PLXNC1: variants seen among roughly 807,000 people sequenced by gnomAD.
PLXNC1 encodes plexin-C1.
In PLXNC1, 75 loss-of-function variants were observed where a neutral mutation model predicts 178.2. The ratio of observed to expected loss-of-function variants is 0.42; its 90% confidence interval spans 0.35 to 0.51. The LOEUF is 0.51. Ranked by LOEUF, PLXNC1 falls within the 20% of genes least tolerant of loss-of-function variation. PLXNC1 has a pLI of 0.02. For synonymous variants in PLXNC1, 790 were observed against 779.9 expected, an observed-to-expected ratio of 1.01 and a Z score of -0.22; for missense variants, 1,503 against 1,984.4, an observed-to-expected ratio of 0.76 and a Z score of 4.61.
intron 1 of PLXNC1, among the ~76,000 whole-genome samples, chr12:94,151,370 G>C (rs1960955899): frequency 6.6e-6 from 1 of 152,114 alleles, no homozygotes; most frequent in Admixed American, 6.5e-5. Flanking sequence ...ACGGTCACTT[G>C]CTGCTGCTTC....
At chr12:94,264,976 A>T in intron 20 of PLXNC1, 103 bp from the exon 21 acceptor site, 1 of 1,176,188 alleles carries the variant, frequency 8.5e-7, no homozygotes, top group South Asian at 1.5e-5. Context: ...AGTGTTAGAA[A>T]ACCCTGTCTC....
intron 20 of PLXNC1, among the ~76,000 whole-genome samples, chr12:94,261,602 C>T (rs139105129): frequency 1.4e-3 from 219 of 152,258 alleles, no homozygotes; most frequent in African/African-American, 5.0e-3. Context: ...ATAAGGGTGT[C>T]CTGTTGAACT....
chr12:94,178,939 A>G (rs993006165), intron 2 of PLXNC1, among the ~76,000 whole-genome samples: 9 of 152,150 alleles, frequency 5.9e-5, no homozygotes, highest in Non-Finnish European at 1.2e-4. Flanking sequence ...ATGTTTGGTT[A>G]GTGAGATTGA....
intron 9 of PLXNC1, among the ~76,000 whole-genome samples, chr12:94,235,659 C>T (rs1245442014): frequency 6.6e-6 from 1 of 152,190 alleles, no homozygotes; most frequent in Non-Finnish European, 1.5e-5. Flanking sequence ...GCTTTGCGGG[C>T]CGTATGGTCT....
chr12:94,149,322 C>T lies in PLXNC1; in HGVS notation c.351C>T (p.Ala117=). The change falls in exon 1 of 31, where the codon GCC becomes GCT. Residue 117 remains alanine, a synonymous_variant. Coordinates refer to ENST00000258526, the MANE Select transcript of PLXNC1 (RefSeq NM_005761.3). ...TGCTGCCCTACCGCGAGGGGGCGGC[C>T]GGCCTCGGGGGGCTGCTGCTCACCG... ...KLLLPYREGA[A]GLGGLLLTGW... 6.9e-7 allele frequency: 1 copy of T among 1,446,390 alleles called. No homozygotes were observed. 89.6% of individuals were successfully genotyped at this position (1,446,390 alleles called of 1,614,324 possible).
intron 9 of PLXNC1, among the ~76,000 whole-genome samples, chr12:94,233,588 C>G (rs1244123357): frequency 1.3e-5 from 2 of 152,244 alleles, no homozygotes; most frequent in Admixed American, 6.5e-5. Context: ...GTCTCAAGCT[C>G]TGTGTCCAGA....
intron 21 of PLXNC1, 83 bp downstream of exon 21, chr12:94,265,308 A>C (rs1356586093): frequency 1.6e-5 from 20 of 1,277,764 alleles, no homozygotes; most frequent in Non-Finnish European, 2.2e-6. Flanking sequence ...ATTTACAATG[A>C]AACGGTATCA....
At chr12:94,295,202 C>A (rs1005319382) in intron 24 of PLXNC1, among the ~76,000 whole-genome samples, 1 of 152,198 alleles carries the variant, frequency 6.6e-6, no homozygotes, top group Non-Finnish European at 1.5e-5. Flanking sequence ...ACACACACAG[C>A]CAGAGGTAGG....
At chr12:94,283,795 G>A (rs1966629450) in intron 23 of PLXNC1, among the ~76,000 whole-genome samples, 1 of 152,146 alleles carries the variant, frequency 6.6e-6, no homozygotes, top group African/African-American at 2.4e-5. Context: ...ATCAAGAGCA[G>A]GGTCTGGGCC....
chr12:94,196,871 C>T (rs1197324471), intron 4 of PLXNC1, among the ~76,000 whole-genome samples: 1 of 152,220 alleles, frequency 6.6e-6, no homozygotes, highest in Admixed American at 6.5e-5. Context: ...ACAGCCTTAG[C>T]TTATGTATAG....
chr12:94,207,658 CTTA>C, intron 4 of PLXNC1, among the ~76,000 whole-genome samples: 1 of 152,272 alleles, frequency 6.6e-6, no homozygotes, highest in Non-Finnish European at 1.5e-5. Flanking sequence ...CTGAGATAGA[CTTA>C]TGAAATAGTT....
Position 94,149,484 on chromosome 12 carries a change from G to A in PLXNC1, c.513G>A (p.Arg171=). Residue 171 remains arginine, a synonymous_variant, in exon 1 of 31, where the codon CGG becomes CGA. Coordinates refer to ENST00000258526, the MANE Select transcript of PLXNC1 (RefSeq NM_005761.3). ...STAGVVYRAG[R]NNRWYLAVAA... ...CCGGCGTGGTGTACCGCGCGGGCCG[G>A]AACAACCGCTGGTACCTGGCGGTGG... 1.3e-6 allele frequency: 2 copies of A among 1,523,582 alleles called. No homozygotes were observed. Among genetic ancestry groups the A allele is most frequent in the Non-Finnish European group, 1.8e-6 (2 of 1,141,506 alleles). The allele number at this position is 1,523,582 out of a possible 1,614,324, so 94.4% of individuals were successfully genotyped here.
intron 21 of PLXNC1, chr12:94,278,174 C>T (rs1159580391): frequency 2.6e-6 from 1 of 384,542 alleles, no homozygotes; most frequent in Non-Finnish European, 5.2e-6. Flanking sequence ...ATTCCCATTA[C>T]TTGATCATTT....
intron 21 of PLXNC1, 22 bp downstream of exon 21, chr12:94,265,247 C>T: frequency 6.3e-7 from 1 of 1,576,160 alleles, no homozygotes; most frequent in Non-Finnish European, 8.7e-7. Context: ...ATAAAGCTCC[C>T]AGCCAGACTC....
chr12:94,263,607 C>A (rs1312231960), intron 20 of PLXNC1, among the ~76,000 whole-genome samples: 1 of 151,102 alleles, frequency 6.6e-6, no homozygotes, highest in Non-Finnish European at 1.5e-5. Context: ...GTGGTCAGGG[C>A]ATTACTTGGG....
intron 20 of PLXNC1, among the ~76,000 whole-genome samples, chr12:94,261,198 G>T (rs2136082110): frequency 6.6e-6 from 1 of 152,282 alleles, no homozygotes; most frequent in South Asian, 2.1e-4. Flanking sequence ...CTGAAGCATT[G>T]TAGAAATACC....
intron 8 of PLXNC1, 115 bp from the exon 9 acceptor site, chr12:94,227,034 G>A: frequency 1.3e-6 from 1 of 759,472 alleles, no homozygotes; most frequent in South Asian, 1.6e-5. Context: ...AAAAAAAAAA[G>A]GTTTAACCAA....
At chr12:94,225,701 G>A (rs1212318381) in intron 7 of PLXNC1, among the ~76,000 whole-genome samples, 2 of 152,176 alleles carry the variant, frequency 1.3e-5, no homozygotes, top group African/African-American at 4.8e-5. Context: ...CCCCCAGGGA[G>A]GGTGAGCGCC....
In PLXNC1 at chr12:94,231,328, G is replaced by A. The variant is rs369705765; in HGVS notation, c.1980+4093G>A. ...GGAGCCAGAAGATTCCAGGACACACGCTAGAGGAAACCCTAAGTAGGCACA... is the reference window on the plus strand; with the variant it reads ...GGAGCCAGAAGATTCCAGGACACACACTAGAGGAAACCCTAAGTAGGCACA... On this transcript the variant is annotated intron_variant, in intron 9 of 30. Transcript: ENST00000258526. Among the ~76,000 whole-genome samples the A allele has an allele frequency of 2.0e-3, 303 of 152,230 alleles. 3 individuals carry two copies. Among genetic ancestry groups the A allele is most frequent in the Non-Finnish European group, 2.9e-3 (194 of 68,020 alleles).
Sources: gnomAD v4.1 joint callset for allele counts (sites outside exome capture counted in the v4.1 genomes callset) on GRCh38, gnomAD v4.1.1 for gene constraint, MANE v1.5 for transcripts, NCBI Gene and HGNC (gene_info 2026-07-23, HGNC 2026-07-21) for gene names.